Variants in GJC3 observed in about 807,000 individuals in gnomAD.
GJC3 encodes gap junction gamma-3 protein.
Under a neutral mutation model 19.8 loss-of-function variants are expected in GJC3, and 17 were observed. The observed-to-expected ratio is 0.86, with a 90% CI of 0.59 to 1.29. The LOEUF is 1.29. GJC3 is among the 50% of genes most tolerant of loss of function. The pLI, the probability that GJC3 is intolerant of heterozygous loss-of-function variation, is 0.00. For missense variants in GJC3, 317 were observed against 332.5 expected (o/e 0.95, Z 0.36); for synonymous variants, 140 against 136.5 (o/e 1.03, Z -0.18).
At chr7:99,923,727 A>G (rs1287629891) in intron 1 of GJC3, 124 bp from the exon 2 acceptor site, 1 of 699,420 alleles carries the variant, frequency 1.4e-6, no homozygotes, top group Non-Finnish European at 2.6e-6. Flanking sequence ...CTATCAGAAG[A>G]GTACTACAAA....
At position 99,929,021 on chromosome 7, in the gene GJC3, A is replaced by G. The variant is rs376850322; in HGVS notation, c.600T>C (p.Gly200=). ...IFLKTMFGVS[G]FCLLFTFLEL... ...CCAAAAAAGTAAACAAGAGACAGAA[A>G]CCGCTGACTCCAAACATGGTCTTTA... Residue 200 remains glycine, a synonymous_variant, in exon 1 of 2, where the codon GGT becomes GGC. Coordinates refer to ENST00000312891, the MANE Select transcript of GJC3 (RefSeq NM_181538.3). 2 of 1,614,178 alleles carry G rather than the reference A, an allele frequency of 1.2e-6. No individual in the cohort carries two copies. The highest frequency in any genetic ancestry group is 1.7e-6 in the Non-Finnish European group (2 of 1,180,032).
chr7:99,929,897 G>A (rs560431304), upstream of GJC3, among the ~76,000 whole-genome samples: 1 of 152,232 alleles, frequency 6.6e-6, no homozygotes, highest in Admixed American at 6.5e-5. Flanking sequence ...CTCTCAGGTT[G>A]GAGAGACCAG....
rs1819857016 is a variant in GJC3, at chr7:99,929,211, T to C, written c.410A>G (p.Tyr137Cys). The change falls in exon 1 of 2, where the codon TAT becomes TGT. Residue 137 changes from tyrosine (Y) to cysteine (C), a missense_variant. By Grantham distance (194) the Tyr-to-Cys change is radical. Coordinates refer to ENST00000312891, the MANE Select transcript of GJC3 (RefSeq NM_181538.3). ...GAGSLRLLWA[Y>C]VAQLGARLVL... ...AAGCCGAGCCCCCAGCTGAGCCACA[T>C]AAGCCCAGAGCAGCCTGAGGCTTCC... 5.0e-6 allele frequency: 8 copies of C among 1,613,992 alleles called. No homozygotes were observed. The highest frequency in any genetic ancestry group is 2.7e-5 in the African/African-American group (2 of 74,904).
intron 1 of GJC3, 102 bp downstream of exon 1, chr7:99,928,738 A>G: frequency 1.8e-6 from 2 of 1,100,174 alleles, no homozygotes; most frequent in South Asian, 1.3e-5. Context: ...CTACTTTGTA[A>G]CATGCAGAAG....
chr7:99,926,090 T>C (rs1819793326), intron 1 of GJC3, among the ~76,000 whole-genome samples: 1 of 152,170 alleles, frequency 6.6e-6, no homozygotes, highest in Non-Finnish European at 1.5e-5. Context: ...TTCCAGCACT[T>C]TGGGAAGCTG....
intron 1 of GJC3, among the ~76,000 whole-genome samples, chr7:99,926,737 G>C (rs557531785): frequency 1.3e-5 from 2 of 152,104 alleles, no homozygotes; most frequent in East Asian, 3.8e-4. Context: ...TATTAAATTG[G>C]TAGTGTTGAT....
In GJC3 at chr7:99,929,198, C is replaced by T. The variant is rs751781731; in HGVS notation, c.423G>A (p.Leu141=). Residue 141 remains leucine (L), a synonymous_variant, in exon 1 of 2, where the codon CTG becomes CTA. Transcript: ENST00000312891. ...CCCCCTCCAGGACAAGCCGAGCCCC[C>T]AGCTGAGCCACATAAGCCCAGAGCA... ...LRLLWAYVAQ[L]GARLVLEGAA... 2.5e-6 allele frequency: 4 copies of T among 1,613,976 alleles called. No homozygotes were observed. In the South Asian group the frequency reaches 4.4e-5, roughly 18 times the overall value.
chr7:99,930,081 C>G (rs1276655288), upstream of GJC3, among the ~76,000 whole-genome samples: 3 of 152,220 alleles, frequency 2.0e-5, no homozygotes, highest in Admixed American at 2.0e-4. Flanking sequence ...CAAATTAGTG[C>G]TGATGCTGAG....
chr7:99,927,021 T>A (rs1022831273), intron 1 of GJC3, among the ~76,000 whole-genome samples: 1 of 152,200 alleles, frequency 6.6e-6, no homozygotes, highest in Non-Finnish European at 1.5e-5. Context: ...ACTAGAAGTT[T>A]CCCTTTGGCC....
chr7:99,927,564 A>C (rs1409028728), intron 1 of GJC3, among the ~76,000 whole-genome samples: 2 of 147,386 alleles, frequency 1.4e-5, no homozygotes, highest in Admixed American at 1.3e-4. Flanking sequence ...CAGAAAGAGA[A>C]AAAAAAATAG....
At chr7:99,923,693 C>A (rs1046238169) in intron 1 of GJC3, 90 bp from the exon 2 acceptor site, 2 of 731,206 alleles carry the variant, frequency 2.7e-6, no homozygotes, top group African/African-American at 3.4e-5. Flanking sequence ...CTGGGTTACA[C>A]TTTAGGTGCC....
rs146343542 is a variant in GJC3, at chr7:99,929,163, C to T, written c.458G>A (p.Gly153Glu). ...ARLVLEGAAL[G>E]LQYHLYGFQM... The stretch of plus-strand genomic sequence containing the variant: ...GAACCCATACAGGTGGTACTGCAAC[C>T]CCAGGGCTGCCCCCTCCAGGACAAG... Residue 153 changes from glycine (G) to glutamate (E), a missense_variant, in exon 1 of 2, where the codon GGG becomes GAG. By Grantham distance (98) the Gly-to-Glu change is moderately conservative. Transcript: ENST00000312891. 4.3e-6 allele frequency: 7 copies of T among 1,613,724 alleles called. No homozygotes were observed. The African/African-American group carries it at 9.3e-5, about 22-fold the overall frequency.
chr7:99,928,620 C>A (rs1819844028), intron 1 of GJC3, among the ~76,000 whole-genome samples: 1 of 152,186 alleles, frequency 6.6e-6, no homozygotes, highest in Non-Finnish European at 1.5e-5. Context: ...CTGGAAGGAA[C>A]CATCAAGTTG....
Position 99,929,253 on chromosome 7 carries a change from GTGT to G in GJC3, c.365_367del (p.Asn122del), listed in dbSNP as rs761697448. 1 of 1,614,202 alleles carries G rather than the reference GTGT, an allele frequency of 6.2e-7. No individual in the cohort carries two copies. Among genetic ancestry groups the G allele is most frequent in the Non-Finnish European group, 8.5e-7 (1 of 1,180,034 alleles). ...GAGGCTTCCAGCCCCTGGGACATCT[GTGT>G]TGCCCTCCCGTCCCTGGATCAGGGT... On this transcript the variant is annotated inframe_deletion, in exon 1 of 2. Transcript: ENST00000312891.
intron 1 of GJC3, among the ~76,000 whole-genome samples, chr7:99,924,786 C>A (rs1562784448): frequency 2.0e-5 from 3 of 152,128 alleles, no homozygotes. Context: ...CCATTGGGAA[C>A]TTTTTCAGTT....
Position 99,929,599 on chromosome 7 carries a change from G to C in GJC3, c.22C>G (p.Arg8Gly). Residue 8 changes from arginine (R) to glycine (G), a missense_variant, in exon 1 of 2, where the codon CGG becomes GGG. Physicochemically the swap from Arg to Gly is moderately radical, Grantham distance 125. Coordinates refer to ENST00000312891, the MANE Select transcript of GJC3 (RefSeq NM_181538.3). Reference sequence around the variant, plus strand: ...CGCCGGCTCTCCTCCGCCAGCAGCCGCCGCAGGAACCTGCCACACATCCTG... The same window carrying C: ...CGCCGGCTCTCCTCCGCCAGCAGCCCCCGCAGGAACCTGCCACACATCCTG... MCGRFLR[R>G]LLAEESRRST... 1 of 1,608,924 alleles carries C rather than the reference G, an allele frequency of 6.2e-7. No homozygotes were observed. Among genetic ancestry groups the C allele is most frequent in the Non-Finnish European group, 8.5e-7 (1 of 1,179,326 alleles).
intron 1 of GJC3, among the ~76,000 whole-genome samples, chr7:99,924,949 A>G (rs761634649): frequency 1.3e-5 from 2 of 152,310 alleles, no homozygotes; most frequent in Admixed American, 1.3e-4. Flanking sequence ...CTAATGATAA[A>G]TGATGTTAAA....
upstream of GJC3, chr7:99,929,845 C>G (rs1478741249): frequency 1.7e-6 from 1 of 602,834 alleles, no homozygotes; most frequent in Non-Finnish European, 2.9e-6. Context: ...GTGTGGCTCT[C>G]TCTTCTGCCC....
intron 1 of GJC3, among the ~76,000 whole-genome samples, chr7:99,927,064 G>C (rs1220225406): frequency 6.6e-6 from 1 of 152,176 alleles, no homozygotes; most frequent in Admixed American, 6.5e-5. Flanking sequence ...ACCAATCAGA[G>C]GCTAGGAAGA....
Sources: allele counts gnomAD v4.1 joint callset (sites outside exome capture counted in the v4.1 genomes callset), GRCh38; gene constraint gnomAD v4.1.1; transcripts MANE v1.5; gene names NCBI Gene and HGNC (gene_info 2026-07-23, HGNC 2026-07-21).